Variants in DFFB observed in about 807,000 individuals in gnomAD.
DFFB encodes DNA fragmentation factor 40 kDa subunit.
Under a neutral mutation model 32.7 loss-of-function variants are expected in DFFB, and 29 were observed. The observed-to-expected ratio is 0.89, with a 90% CI of 0.66 to 1.21. The LOEUF (loss-of-function observed/expected upper bound fraction) is 1.21. Ranked by LOEUF, DFFB falls within the 50% of genes most tolerant of loss-of-function variation. The pLI, the probability that DFFB is intolerant of heterozygous loss-of-function variation, is 0.00. For missense variants in DFFB, 398 were observed against 440.6 expected (o/e 0.90, Z 0.87); for synonymous variants, 170 against 177.1 (o/e 0.96, Z 0.32).
intron 2 of DFFB, among the ~76,000 whole-genome samples, chr1:3,862,621 GCTGGGACAA>G (rs1176889301): frequency 6.6e-6 from 1 of 152,198 alleles, no homozygotes; most frequent in Non-Finnish European, 1.5e-5. Context: ...AACAGATAGT[GCTGGGACAA>G]CTGTATATTC....
At position 3,872,385 on chromosome 1, in the gene DFFB, C is replaced by T. The variant is rs555573915; in HGVS notation, c.682-87C>T. ...CCGAGATCGGGCCACTGCACTCCAGCCTGGCGACAGAGCGAGGCGCTGTCT... is the reference window on the plus strand; with the variant it reads ...CCGAGATCGGGCCACTGCACTCCAGTCTGGCGACAGAGCGAGGCGCTGTCT... On this transcript the variant is annotated intron_variant, in intron 5 of 6. Coordinates refer to ENST00000378209, the MANE Select transcript of DFFB (RefSeq NM_004402.4). 11 of 985,084 alleles carry T rather than the reference C, an allele frequency of 1.1e-5. No individual in the cohort carries two copies. The East Asian group carries it at 2.7e-4, about 24-fold the overall frequency. The allele number at this position is 985,084 out of a possible 1,614,324, so 61.0% of individuals were successfully genotyped here.
At chr1:3,872,225 C>G (rs571833408) in intron 5 of DFFB, among the ~76,000 whole-genome samples, 2 of 152,132 alleles carry the variant, frequency 1.3e-5, no homozygotes, top group East Asian at 3.9e-4. Flanking sequence ...CCATCCTGGC[C>G]AACAAGGTGA....
intron 5 of DFFB, among the ~76,000 whole-genome samples, chr1:3,870,293 G>A (rs756877121): frequency 4.6e-5 from 7 of 152,216 alleles, no homozygotes; most frequent in East Asian, 3.9e-4. Context: ...GCCTCTTGGC[G>A]TTTGCACACT....
chr1:3,858,606 C>G, intron 1 of DFFB, 112 bp from the exon 2 acceptor site: 3 of 1,375,258 alleles, frequency 2.2e-6, no homozygotes, highest in Non-Finnish European at 9.9e-7. Context: ...CAGGCGGCAG[C>G]CTGAGCCTGC....
intron 2 of DFFB, among the ~76,000 whole-genome samples, chr1:3,861,236 A>G (rs926152881): frequency 6.6e-6 from 1 of 151,916 alleles, no homozygotes; most frequent in Non-Finnish European, 1.5e-5. Flanking sequence ...CACTCCACAT[A>G]AGGCTCCCGA....
chr1:3,857,948 C>G (rs1644787192), intron 1 of DFFB, among the ~76,000 whole-genome samples: 1 of 152,172 alleles, frequency 6.6e-6, no homozygotes, highest in Non-Finnish European at 1.5e-5. Flanking sequence ...CTCTTCCCAC[C>G]TCTCGGGCAG....
In DFFB at chr1:3,865,850, G is replaced by A. The variant is rs372200331; in HGVS notation, c.280G>A (p.Glu94Lys). Residue 94 changes from glutamate to lysine, a missense_variant, in exon 3 of 7, where the codon GAG (glutamate) becomes AAG (lysine). By Grantham distance (56) the Glu-to-Lys change is moderately conservative. Transcript: ENST00000378209. This position sits in a 1 kb window ranked among gnomAD's most constrained non-coding sequence, Gnocchi z 4.7. ...DIRRFLSAFHEPQVGLIQAAQ... is the reference protein window; with the variant it reads ...DIRRFLSAFHKPQVGLIQAAQ... Reference sequence around the variant, plus strand: ...CAGGCGCTTCCTCAGTGCATTTCACGAGCCACAGGTGGGGCTCATCCAGGC... The same window carrying A: ...CAGGCGCTTCCTCAGTGCATTTCACAAGCCACAGGTGGGGCTCATCCAGGC... 3.1e-6 allele frequency: 5 copies of A among 1,614,098 alleles called. No individual in the cohort carries two copies. Among genetic ancestry groups the A allele is most frequent in the East Asian group, 2.2e-5 (1 of 44,868 alleles).
Position 3,872,554 on chromosome 1 carries a change from C to T in DFFB, c.764C>T (p.Thr255Ile). Residue 255 changes from threonine to isoleucine, a missense_variant, in exon 6 of 7, where the codon ACC (threonine) becomes ATC (isoleucine). Coordinates refer to ENST00000378209, the MANE Select transcript of DFFB (RefSeq NM_004402.4). ...AGGGAGAGCAGGATCCTCTTCAGCA[C>T]CTGGAACCTGGATCACATGTAAGCT... ...SNRESRILFS[T>I]WNLDHIIEKK... 6.2e-7 allele frequency: 1 copy of T among 1,613,770 alleles called. No individual in the cohort carries two copies. The highest frequency in any genetic ancestry group is 1.1e-5 in the South Asian group (1 of 91,074).
At chr1:3,867,557 A>G (rs1645009472) in intron 3 of DFFB, 1 of 169,852 alleles carries the variant, frequency 5.9e-6, no homozygotes, top group Non-Finnish European at 1.3e-5. Flanking sequence ...ATACTTCTCA[A>G]GATGATGCAA....
At position 3,878,191 on chromosome 1, in the gene DFFB, G is replaced by A. The variant is rs111237048; in HGVS notation, c.783-5316G>A. The stretch of plus-strand genomic sequence containing the variant: ...TTTTGAGACGGAGTCTTGCTGTGTC[G>A]CCCGGGCTGGAGTCCAGTGGCGCAA... On this transcript the variant is annotated intron_variant, in intron 6 of 6. Coordinates refer to ENST00000378209, the MANE Select transcript of DFFB (RefSeq NM_004402.4). Among the ~76,000 whole-genome samples, 1,206 of 149,564 alleles carry A rather than the reference G, an allele frequency of 8.1e-3. 12 individuals are homozygous for A. Among genetic ancestry groups the A allele is most frequent in the African/African-American group, 0.028 (1,117 of 40,612 alleles).
At chr1:3,859,974 CTCTG>C (rs1269497075) in intron 2 of DFFB, among the ~76,000 whole-genome samples, 1 of 152,180 alleles carries the variant, frequency 6.6e-6, no homozygotes, top group Non-Finnish European at 1.5e-5. Context: ...CTCTGGCTCT[CTCTG>C]TCTGTCTCTG....
chr1:3,878,203 G>T (rs12029387), intron 6 of DFFB, among the ~76,000 whole-genome samples: 21,795 of 151,108 alleles, frequency 0.14, 1,669 homozygotes, highest in Middle Eastern at 0.17. Flanking sequence ...CCGGGCTGGA[G>T]TCCAGTGGCG....
chr1:3,879,381 T>C (rs1645289849), intron 6 of DFFB, among the ~76,000 whole-genome samples: 1 of 152,194 alleles, frequency 6.6e-6, no homozygotes, highest in South Asian at 2.1e-4. Flanking sequence ...CTTTCTGCTG[T>C]GGACTCCATC....
Position 3,865,506 on chromosome 1 carries a change from G to A in DFFB, c.242-306G>A, listed in dbSNP as rs1329210125. 3.8e-6 allele frequency: 2 copies of A among 529,126 alleles called. No homozygotes were observed. The highest frequency in any genetic ancestry group is 6.8e-6 in the Non-Finnish European group (2 of 292,042). The allele number at this position is 529,126 out of a possible 1,614,324, so 32.8% of individuals were successfully genotyped here. A position where few individuals can be genotyped will look rare whatever the true frequency, so the allele number is the denominator to read the frequency against. ...AGCAAGGTCTCCAGGAAGGGCCAAA[G>A]TGGGGGGCGTATGGTTTGGAGGGGA... On this transcript the variant is annotated intron_variant, in intron 2 of 6. Transcript: ENST00000378209. The surrounding 1 kb of genome is among the most constrained non-coding windows in gnomAD (Gnocchi z 4.7).
Position 3,883,317 on chromosome 1 carries a change from TTAAAAAGTAAG to T in DFFB, c.783-189_783-179del, listed in dbSNP as rs973935653. ...GCCGTGCCCGGCCACAAGTCAAGTT[TTAAAAAGTAAG>T]AGGAGCCAGGCTGCTTGCATCAGGC... On this transcript the variant is annotated intron_variant, in intron 6 of 6. Coordinates refer to ENST00000378209, the MANE Select transcript of DFFB (RefSeq NM_004402.4). 7.2e-5 allele frequency among the ~76,000 whole-genome samples: 11 copies of T among 152,332 alleles called. 1 individual carries two copies. The highest frequency in any genetic ancestry group is 1.9e-4 in the East Asian group (1 of 5,176).
intron 6 of DFFB, among the ~76,000 whole-genome samples, chr1:3,880,964 C>T (rs991295270): frequency 2.6e-5 from 4 of 152,296 alleles, no homozygotes; most frequent in African/African-American, 7.2e-5. Flanking sequence ...GTACACCCTG[C>T]GTTCTGCGGA....
chr1:3,874,678 C>T (rs999306827), intron 6 of DFFB, among the ~76,000 whole-genome samples: 1 of 143,842 alleles, frequency 7.0e-6, no homozygotes, highest in African/African-American at 2.6e-5. Flanking sequence ...CGTGTAGCTG[C>T]ACCTTTACCA....
chr1:3,860,074 T>TA (rs903476161), intron 2 of DFFB, among the ~76,000 whole-genome samples: 2 of 152,038 alleles, frequency 1.3e-5, no homozygotes, highest in Non-Finnish European at 2.9e-5. Context: ...TTGTTAGACT[T>TA]AAAAAAAATT....
chr1:3,863,090 A>C (rs916394000), intron 2 of DFFB, among the ~76,000 whole-genome samples: 1 of 152,252 alleles, frequency 6.6e-6, no homozygotes, highest in African/African-American at 2.4e-5. Context: ...TGGAGGCTGC[A>C]GTGAACGACA....
Sources: allele counts gnomAD v4.1 joint callset (sites outside exome capture counted in the v4.1 genomes callset), GRCh38; gene constraint gnomAD v4.1.1; non-coding constraint Gnocchi (gnomAD v3.1); transcripts MANE v1.5; gene names NCBI Gene and HGNC (gene_info 2026-07-23, HGNC 2026-07-21).